Variants in TRPC6 observed in about 807,000 individuals in gnomAD.
TRPC6 encodes transient receptor potential cation channel subfamily C member 6.
A neutral mutation model predicts 90.7 loss-of-function variants in TRPC6; 55 were observed. The ratio of observed to expected loss-of-function variants is 0.61; its 90% CI spans 0.49 to 0.76. TRPC6 has a LOEUF of 0.76. Among genes scored for constraint, TRPC6 ranks in the 30% least tolerant of loss-of-function variants. The probability of loss-of-function intolerance (pLI) is 0.00; values close to 1 mark genes in which losing one functional copy is unlikely to be tolerated. For missense variants in TRPC6, 989 were observed against 1,122.7 expected, an observed-to-expected ratio of 0.88 and a Z score of 1.70; for synonymous variants, 393 against 393.0, an observed-to-expected ratio of 1.00 and a Z score of 0.00.
intron 1 of TRPC6, among the ~76,000 whole-genome samples, chr11:101,512,612 C>G (rs1356758988): frequency 6.6e-6 from 1 of 152,084 alleles, no homozygotes; most frequent in East Asian, 1.9e-4. Flanking sequence ...TGGGGCCAGA[C>G]ATTTATGGTG....
intron 1 of TRPC6, among the ~76,000 whole-genome samples, chr11:101,576,000 G>C (rs894542164): frequency 9.2e-5 from 14 of 152,240 alleles, no homozygotes; most frequent in African/African-American, 3.4e-4. Context: ...AGAGAATAGA[G>C]GACTGAGATA....
chr11:101,559,685 C>G (rs1389349492), intron 1 of TRPC6, among the ~76,000 whole-genome samples: 1 of 151,038 alleles, frequency 6.6e-6, no homozygotes, highest in Non-Finnish European at 1.5e-5. Flanking sequence ...GCACAACGTG[C>G]AGGTTTGTTA....
At position 101,452,783 on chromosome 11, in the gene TRPC6, A is replaced by AGTT. The variant is rs1296375532; in HGVS notation, c.*169_*171dup. On this transcript the variant is annotated 3_prime_UTR_variant, in exon 13 of 13. Transcript: ENST00000344327. ...CTACAGCCTTTACCCTGAACAATGG[A>AGTT]GTTTAATCACCAAAAAAATTAGATA... The AGTT allele has an allele frequency of 5.9e-6, 4 of 675,440 alleles. No homozygotes were observed. The highest frequency in any genetic ancestry group is 5.6e-5 in the Admixed American group (2 of 35,924). The allele number at this position is 675,440 out of a possible 1,614,324, so 41.8% of individuals were successfully genotyped here. A position where few individuals can be genotyped will look rare whatever the true frequency, so the allele number is the denominator to read the frequency against.
chr11:101,582,061 G>T (rs764049541), intron 1 of TRPC6, among the ~76,000 whole-genome samples: 1 of 152,224 alleles, frequency 6.6e-6, no homozygotes, highest in African/African-American at 2.4e-5. Context: ...CATTGTACAA[G>T]TTAAATGGGG....
intron 6 of TRPC6, among the ~76,000 whole-genome samples, chr11:101,475,965 T>G (rs943859689): frequency 1.3e-5 from 2 of 151,060 alleles, no homozygotes; most frequent in African/African-American, 2.5e-5. Flanking sequence ...TACAGAGAGA[T>G]AGATCAAACG....
intron 11 of TRPC6, 43 bp from the exon 12 acceptor site, chr11:101,453,768 C>CA: frequency 6.4e-7 from 1 of 1,566,214 alleles, no homozygotes; most frequent in Non-Finnish European, 8.8e-7. Flanking sequence ...GTTTCAGGTT[C>CA]ATGACAAATC....
chr11:101,452,956 T>C lies in TRPC6; in HGVS notation c.2795A>G (p.Ter932=). The change falls in exon 13 of 13, where the codon TAA becomes TGA. Residue 932 remains the stop codon, a stop_retained_variant. Transcript: ENST00000344327. The part of the protein sequence containing the change: ...MEPNQEETNR[*] ...TGAATTTCTAAGGAAGTCTTCGCATTATCTATTGGTTTCCTCTTGATTTGG... is the reference window on the plus strand; with the variant it reads ...TGAATTTCTAAGGAAGTCTTCGCATCATCTATTGGTTTCCTCTTGATTTGG... 6.2e-7 allele frequency: 1 copy of C among 1,613,814 alleles called. No individual in the cohort carries two copies. The highest frequency in any genetic ancestry group is 1.1e-5 in the South Asian group (1 of 91,074).
At chr11:101,460,003 TTGC>T (rs1159215743) in intron 10 of TRPC6, among the ~76,000 whole-genome samples, 1 of 152,212 alleles carries the variant, frequency 6.6e-6, no homozygotes, top group African/African-American at 2.4e-5. Context: ...GTTAAATGAA[TTGC>T]TGAAGGGGCA....
chr11:101,503,064 C>T (rs1331656193), intron 2 of TRPC6, among the ~76,000 whole-genome samples: 1 of 152,120 alleles, frequency 6.6e-6, no homozygotes. Flanking sequence ...GAGATAAGTG[C>T]ATCATAAATA....
At chr11:101,508,881 G>A (rs1213553225) in intron 1 of TRPC6, among the ~76,000 whole-genome samples, 2 of 151,854 alleles carry the variant, frequency 1.3e-5, no homozygotes, top group African/African-American at 2.4e-5. Flanking sequence ...CCATTAAAAT[G>A]GGAGAAATAA....
chr11:101,484,010 G>A lies in TRPC6; in HGVS notation c.1294-845C>T, dbSNP rs1424780914. Among the ~76,000 whole-genome samples the A allele has an allele frequency of 2.0e-5, 3 of 152,160 alleles. No homozygotes were observed. The East Asian group carries it at 5.8e-4, about 29-fold the overall frequency. On this transcript the variant is annotated intron_variant, in intron 4 of 12. Coordinates refer to ENST00000344327, the MANE Select transcript of TRPC6 (RefSeq NM_004621.6). ...CTCTGAAATGAACAAAACTTAAGCT[G>A]TGTGTGCAGTTTCCCCCACCCTTTA... is the stretch of plus-strand genomic sequence containing the variant.
intron 1 of TRPC6, among the ~76,000 whole-genome samples, chr11:101,564,839 C>T (rs1413180331): frequency 6.6e-6 from 1 of 151,872 alleles, no homozygotes; most frequent in African/African-American, 2.4e-5. Flanking sequence ...TTATAGTAAT[C>T]AAAACAATAT....
intron 1 of TRPC6, among the ~76,000 whole-genome samples, chr11:101,579,150 T>C (rs1246796510): frequency 1.3e-5 from 2 of 152,180 alleles, no homozygotes; most frequent in Non-Finnish European, 2.9e-5. Context: ...ATACAAAATA[T>C]TTTTTATGTC....
chr11:101,511,080 A>G (rs1479394952), intron 1 of TRPC6, among the ~76,000 whole-genome samples: 19 of 152,210 alleles, frequency 1.2e-4, no homozygotes, highest in Admixed American at 1.1e-3. Flanking sequence ...AAGAAATTCC[A>G]GAATTTGCAT....
At chr11:101,454,574 CATT>C (rs1591518865) in intron 11 of TRPC6, among the ~76,000 whole-genome samples, 1 of 151,452 alleles carries the variant, frequency 6.6e-6, no homozygotes, top group Non-Finnish European at 1.5e-5. Context: ...AACTATTACT[CATT>C]ATATAAGTAT....
chr11:101,563,716 T>C (rs1861766035), intron 1 of TRPC6, among the ~76,000 whole-genome samples: 1 of 151,906 alleles, frequency 6.6e-6, no homozygotes. Flanking sequence ...AGGGGCAGGA[T>C]GGGAGGAGAC....
rs534249665 is a variant in TRPC6, at chr11:101,489,042, A to G, written c.1188T>C (p.Ser396=). Residue 396 remains serine (S), a synonymous_variant, in exon 4 of 13, where the codon TCT becomes TCC. Transcript: ENST00000344327. ...CCGCCATTGTCTGCTGTCGTAAACC[A>G]GAAAGATTCTCATACCAAATGGAGA... The part of the protein sequence containing the change: ...QLLSIWYENL[S]GLRQQTMAVK... 6.2e-7 allele frequency: 1 copy of G among 1,614,216 alleles called. No individual in the cohort carries two copies. The highest frequency in any genetic ancestry group is 1.1e-5 in the South Asian group (1 of 91,090).
intron 1 of TRPC6, among the ~76,000 whole-genome samples, chr11:101,541,184 C>G (rs1373180154): frequency 6.6e-6 from 1 of 151,956 alleles, no homozygotes; most frequent in African/African-American, 2.4e-5. Flanking sequence ...GAAATAAGTC[C>G]CTTTGATAGA....
chr11:101,509,288 G>T (rs1048156469), intron 1 of TRPC6, among the ~76,000 whole-genome samples: 1 of 151,662 alleles, frequency 6.6e-6, no homozygotes, highest in Non-Finnish European at 1.5e-5. Context: ...TTTTATAGAT[G>T]GGGTCTCGCC....
Sources: gnomAD v4.1 joint callset for allele counts (sites outside exome capture counted in the v4.1 genomes callset) on GRCh38, gnomAD v4.1.1 for gene constraint, MANE v1.5 for transcripts, NCBI Gene and HGNC (gene_info 2026-07-23, HGNC 2026-07-21) for gene names.